MBTPS2: variants seen among roughly 807,000 people sequenced by gnomAD.
MBTPS2 encodes membrane bound transcription factor peptidase, site 2.
In MBTPS2, 2 loss-of-function variants were observed where a neutral mutation model predicts 35.4. That is an observed-to-expected ratio of 0.06 (90% CI 0.02 to 0.18). MBTPS2 has a LOEUF of 0.18. Among genes scored for constraint, MBTPS2 ranks in the 10% least tolerant of loss-of-function variants. The pLI, the probability that MBTPS2 is intolerant of heterozygous loss-of-function variation, is 1.00. For synonymous variants in MBTPS2, 125 were observed against 140.4 expected (o/e 0.89, Z 0.77); for missense variants, 244 against 386.5 (o/e 0.63, Z 3.09).
chrX:21,852,917 C>T, intron 4 of MBTPS2, among the ~76,000 whole-genome samples: 1 of 110,046 alleles, frequency 9.1e-6, no homozygotes, highest in East Asian at 2.8e-4. Flanking sequence ...AGGAATACAC[C>T]TAGATAAATC....
chrX:21,859,344 A>G (rs2092928345), intron 5 of MBTPS2, among the ~76,000 whole-genome samples: 1 of 82,111 alleles, frequency 1.2e-5, no homozygotes, highest in African/African-American at 4.5e-5. Flanking sequence ...AAAAAGTTAT[A>G]TAGGTGTTAT....
chrX:21,882,748 T>C lies in MBTPS2; in HGVS notation c.*93T>C, dbSNP rs2092960811. ...TGAAATTCTTACTTGGTATGAAATA[T>C]AAAGTGTTTCCTTAAAATTACATCT... On this transcript the variant is annotated 3_prime_UTR_variant, in exon 11 of 11. Transcript: ENST00000379484. The C allele has an allele frequency of 1.7e-6, 2 of 1,177,130 alleles. No individual in the cohort carries two copies. The highest frequency in any genetic ancestry group is 2.3e-6 in the Non-Finnish European group (2 of 875,148).
chrX:21,851,954 T>TA (rs769342940), intron 4 of MBTPS2, among the ~76,000 whole-genome samples: 13 of 112,208 alleles, frequency 1.2e-4, no homozygotes, highest in South Asian at 1.1e-3. Flanking sequence ...ATAACCACTG[T>TA]ACTCAAAACC....
chrX:21,841,255 T>C (rs1486551141), intron 1 of MBTPS2, among the ~76,000 whole-genome samples: 1 of 111,473 alleles, frequency 9.0e-6, no homozygotes, highest in Non-Finnish European at 1.9e-5. Context: ...ACTTTATCTC[T>C]ACAAAAAATT....
At chrX:21,845,948 T>C (rs977602568) in intron 3 of MBTPS2, among the ~76,000 whole-genome samples, 2 of 112,323 alleles carry the variant, frequency 1.8e-5, no homozygotes, top group African/African-American at 6.5e-5. Flanking sequence ...GGCTTTACAT[T>C]GGCTCACTTT....
At chrX:21,849,663 A>G (rs1341554291) in intron 3 of MBTPS2, among the ~76,000 whole-genome samples, 2 of 110,239 alleles carry the variant, frequency 1.8e-5, no homozygotes, top group African/African-American at 6.6e-5. Flanking sequence ...TTCCATTTTA[A>G]TGATGAGAAA....
chrX:21,856,892 C>T, intron 5 of MBTPS2: 1 of 1,211,794 alleles, frequency 8.3e-7, no homozygotes, highest in Admixed American at 2.2e-5. Context: ...CAACCCAGAG[C>T]CGCAGCAAAA....
chrX:21,863,275 A>T (rs941356301), intron 5 of MBTPS2, among the ~76,000 whole-genome samples: 6 of 106,899 alleles, frequency 5.6e-5, no homozygotes, highest in African/African-American at 2.0e-4. Flanking sequence ...AAAAAAAAAA[A>T]AAAAAATTAA....
At chrX:21,856,387 T>C in intron 5 of MBTPS2, 2 of 1,008,779 alleles carry the variant, frequency 2.0e-6, no homozygotes, top group South Asian at 2.2e-5. Context: ...CCCCTTCCTC[T>C]GCAGCTCGCC....
At chrX:21,874,735 T>C (rs1010699305) in intron 7 of MBTPS2, among the ~76,000 whole-genome samples, 2 of 112,593 alleles carry the variant, frequency 1.8e-5, no homozygotes, top group Non-Finnish European at 3.7e-5. Context: ...AAAGGACAAT[T>C]CTAATCTTCT....
intron 1 of MBTPS2, among the ~76,000 whole-genome samples, chrX:21,842,321 A>G (rs1023525844): frequency 2.7e-5 from 3 of 112,062 alleles, no homozygotes; most frequent in Admixed American, 9.5e-5. Flanking sequence ...ATGGCTTTAG[A>G]TAAGTTTTTT....
At chrX:21,875,565 A>G (rs780295150) in intron 7 of MBTPS2, among the ~76,000 whole-genome samples, 7 of 112,748 alleles carry the variant, frequency 6.2e-5, no homozygotes, top group Non-Finnish European at 1.1e-4. Flanking sequence ...AAGAAAAGTT[A>G]GTAATTAAGC....
chrX:21,878,015 T>A (rs746677145), intron 7 of MBTPS2, 27 bp from the exon 8 acceptor site: 1 of 978,334 alleles, frequency 1.0e-6, no homozygotes, highest in East Asian at 3.0e-5. Flanking sequence ...TATAAGAGAC[T>A]CTAATAAACA....
In MBTPS2 at chrX:21,884,703, A is replaced by G. The variant is rs776275523; in HGVS notation, c.*2048A>G. The G allele has an allele frequency of 2.2e-5, 15 of 687,758 alleles. No individual in the cohort carries two copies. The African/African-American group carries it at 3.3e-4, about 15-fold the overall frequency. The allele number at this position is 687,758 out of a possible 1,213,427, so 56.7% of individuals were successfully genotyped here. ...TGGGCACTTCTACAGCAAGGACCATATCATATTCATCTTTGCATCCCTGGC... is the reference window on the plus strand; with the variant it reads ...TGGGCACTTCTACAGCAAGGACCATGTCATATTCATCTTTGCATCCCTGGC... On this transcript the variant is annotated 3_prime_UTR_variant, in exon 11 of 11. Transcript: ENST00000379484.
At chrX:21,842,326 T>C (rs1422751858) in intron 1 of MBTPS2, among the ~76,000 whole-genome samples, 4 of 111,834 alleles carry the variant, frequency 3.6e-5, no homozygotes. Context: ...TTTAGATAAG[T>C]TTTTTACTTT....
rs1398687845 is a variant in MBTPS2 at position 21,882,957 on chromosome X, A to G, written c.*302A>G. The G allele has an allele frequency of 9.5e-6, 9 of 944,415 alleles. No individual in the cohort carries two copies. In the South Asian group the frequency reaches 1.6e-4, roughly 16 times the overall value. 77.8% of individuals were successfully genotyped at this position (944,415 alleles called of 1,213,427 possible). A position where few individuals can be genotyped will look rare whatever the true frequency, so the allele number is the denominator to read the frequency against. Reference sequence around the variant, plus strand: ...ATGTAATACCGTTTTGTCTGATTACATATTGTGTTGAAATAGTATAAAGGA... The same window carrying G: ...ATGTAATACCGTTTTGTCTGATTACGTATTGTGTTGAAATAGTATAAAGGA... On this transcript the variant is annotated 3_prime_UTR_variant, in exon 11 of 11. Transcript: ENST00000379484.
intron 5 of MBTPS2, among the ~76,000 whole-genome samples, chrX:21,861,445 T>G (rs2092931204): frequency 8.9e-6 from 1 of 112,168 alleles, no homozygotes; most frequent in African/African-American, 3.2e-5. Flanking sequence ...GTAGGATACC[T>G]TATAAATAAG....
In MBTPS2 at chrX:21,843,147, T is replaced by C. The variant is rs751835353; in HGVS notation, c.76-23T>C. 9.3e-6 allele frequency: 11 copies of C among 1,181,079 alleles called. No homozygotes were observed. The Admixed American group carries it at 2.4e-4, about 26-fold the overall frequency. On this transcript the variant is annotated intron_variant, in intron 1 of 10. Transcript: ENST00000379484. Reference sequence around the variant, plus strand: ...AATTGTTCTTCAAAATTGAGTGATGTAGAACTTTTCTTTCTCTCTTAGTCA... The same window carrying C: ...AATTGTTCTTCAAAATTGAGTGATGCAGAACTTTTCTTTCTCTCTTAGTCA...
chrX:21,855,618 G>A (rs2092919867), intron 5 of MBTPS2, among the ~76,000 whole-genome samples: 1 of 110,705 alleles, frequency 9.0e-6, no homozygotes, highest in South Asian at 3.9e-4. Flanking sequence ...TTTTAGTAGA[G>A]AAGGGGTTTT....
Sources: gnomAD v4.1 joint callset for allele counts (sites outside exome capture counted in the v4.1 genomes callset) on GRCh38, gnomAD v4.1.1 for gene constraint, MANE v1.5 for transcripts, NCBI Gene and HGNC (gene_info 2026-07-23, HGNC 2026-07-21) for gene names.